Variants in BAMBI observed in about 807,000 individuals in gnomAD.
BAMBI encodes BMP and activin membrane-bound inhibitor homolog.
A neutral mutation model predicts 24.1 loss-of-function variants in BAMBI; 21 were observed. The ratio of observed to expected loss-of-function variants is 0.87; its 90% CI spans 0.62 to 1.26. The LOEUF (loss-of-function observed/expected upper bound fraction) is 1.26, where lower values mean the gene tolerates loss of function less well. BAMBI is among the 50% of genes most tolerant of loss of function. The pLI is 0.00. For synonymous variants in BAMBI, 156 were observed against 123.1 expected (o/e 1.27, Z -1.77); for missense variants, 388 against 329.1 (o/e 1.18, Z -1.38).
In BAMBI at chr10:28,677,553, C is replaced by T. The variant is rs189067155; in HGVS notation, c.-345C>T. 8.3e-5 allele frequency: 14 copies of T among 169,666 alleles called. No individual in the cohort carries two copies. Among genetic ancestry groups the T allele is most frequent in the East Asian group, 4.9e-4 (3 of 6,164 alleles). The allele number at this position is 169,666 out of a possible 1,614,324, so 10.5% of individuals were successfully genotyped here. ...CGCGGGCGGGAGCTGCGGCGGATACCCTTGCGTGCTGTGGAGACCCTACTC... is the reference window on the plus strand; with the variant it reads ...CGCGGGCGGGAGCTGCGGCGGATACTCTTGCGTGCTGTGGAGACCCTACTC... On this transcript the variant is annotated 5_prime_UTR_variant, in exon 1 of 3. Transcript: ENST00000375533.
intron 1 of BAMBI, among the ~76,000 whole-genome samples, chr10:28,679,422 C>T (rs1388159093): frequency 6.6e-6 from 1 of 152,108 alleles, no homozygotes; most frequent in Non-Finnish European, 1.5e-5. Context: ...ATACCAGTCC[C>T]CTTTCTGGCC....
At chr10:28,679,894 A>G (rs1416365791) in intron 1 of BAMBI, among the ~76,000 whole-genome samples, 1 of 152,202 alleles carries the variant, frequency 6.6e-6, no homozygotes, top group East Asian at 1.9e-4. Flanking sequence ...GGGCCCAACC[A>G]GTGCAGATTT....
At position 28,677,637 on chromosome 10, in the gene BAMBI, G is replaced by C; in HGVS notation, c.-261G>C. The C allele has an allele frequency of 4.1e-6, 1 of 241,020 alleles. No homozygotes were observed. Among genetic ancestry groups the C allele is most frequent in the Non-Finnish European group, 7.9e-6 (1 of 126,640 alleles). The allele number at this position is 241,020 out of a possible 1,614,324, so 14.9% of individuals were successfully genotyped here. On this transcript the variant is annotated 5_prime_UTR_variant, in exon 1 of 3. Coordinates refer to ENST00000375533, the MANE Select transcript of BAMBI (RefSeq NM_012342.3). ...AGGCCGGGAGCCCACTCCCGACCCG[G>C]GGCTAGCGTGCGTCCCTAGAGTCGA...
At chr10:28,678,035 C>T (rs1198888070) in intron 1 of BAMBI, 62 bp downstream of exon 1, 110 of 1,416,090 alleles carry the variant, frequency 7.8e-5, no homozygotes, top group Non-Finnish European at 9.8e-5. Context: ...TTGGAGCCGG[C>T]TGCAGAGGCT....
rs1239094336 is a variant in BAMBI, at chr10:28,682,366, A to G, written c.748A>G (p.Met250Val). 1.9e-6 allele frequency: 3 copies of G among 1,613,326 alleles called. No homozygotes were observed. Among genetic ancestry groups the G allele is most frequent in the African/African-American group, 1.3e-5 (1 of 74,996 alleles). The change falls in exon 3 of 3, where the codon ATG (methionine) becomes GTG (valine). Residue 250 changes from methionine to valine, a missense_variant. Met to Val is a conservative substitution (Grantham distance 21). Transcript: ENST00000375533. ...GATCCTCTCGCTTGTTCACTGGGGC[A>G]TGTACAGTGGGCACGGGAAGCTGGA... ...DKILSLVHWG[M>V]YSGHGKLEFV
intron 2 of BAMBI, 185 bp downstream of exon 2, chr10:28,681,730 T>C: frequency 1.3e-6 from 1 of 767,430 alleles, no homozygotes; most frequent in Non-Finnish European, 2.0e-6. Context: ...TAGATGTCTG[T>C]CTACATAATA....
intron 1 of BAMBI, among the ~76,000 whole-genome samples, chr10:28,680,924 T>C (rs1445695185): frequency 6.6e-6 from 1 of 152,248 alleles, no homozygotes; most frequent in Non-Finnish European, 1.5e-5. Context: ...TATGGTCATG[T>C]AGGATTAAAA....
intron 1 of BAMBI, among the ~76,000 whole-genome samples, chr10:28,680,022 C>A (rs1423405880): frequency 1.3e-5 from 2 of 152,114 alleles, no homozygotes; most frequent in East Asian, 3.8e-4. Flanking sequence ...GCATACAATA[C>A]CGTGGTCTGG....
Position 28,677,938 on chromosome 10 carries a change from T to C in BAMBI, c.41T>C (p.Leu14Pro). 1 of 1,535,362 alleles carries C rather than the reference T, an allele frequency of 6.5e-7. No individual in the cohort carries two copies. Among genetic ancestry groups the C allele is most frequent in the South Asian group, 1.2e-5 (1 of 83,266 alleles). Residue 14 changes from leucine to proline, a missense_variant, in exon 1 of 3, where the codon CTG becomes CCG. By Grantham distance (98) the Leu-to-Pro change is moderately conservative. Transcript: ENST00000375533. The stretch of plus-strand genomic sequence containing the variant: ...AGCTACATCTTCATCTGGCTGCAGC[T>C]GGAGCTCTGCGCCATGGCCGTGCTG... ...HSSYIFIWLQ[L>P]ELCAMAVLLT...
Position 28,681,498 on chromosome 10 carries a change from A to G in BAMBI, c.317A>G (p.Tyr106Cys). The G allele has an allele frequency of 6.2e-7, 1 of 1,614,188 alleles. No individual in the cohort carries two copies. Among genetic ancestry groups the G allele is most frequent in the Non-Finnish European group, 8.5e-7 (1 of 1,180,032 alleles). Reference protein sequence around the residue: ...LECCHEDMCNYRGLHDVLSPP... With the variant: ...LECCHEDMCNCRGLHDVLSPP... The stretch of plus-strand genomic sequence containing the variant: ...TGCTGTCATGAAGACATGTGCAATT[A>G]CAGAGGGCTGCACGATGTTCTCTCT... Residue 106 changes from tyrosine to cysteine, a missense_variant, in exon 2 of 3, where the codon TAC (tyrosine) becomes TGC (cysteine). Tyr to Cys is a radical substitution (Grantham distance 194). Coordinates refer to ENST00000375533, the MANE Select transcript of BAMBI (RefSeq NM_012342.3).
In BAMBI at chr10:28,682,196, GT is replaced by G; in HGVS notation, c.581del (p.Leu194CysfsTer18). On this transcript the variant is annotated frameshift_variant, in exon 3 of 3. Coordinates refer to ENST00000375533, the MANE Select transcript of BAMBI (RefSeq NM_012342.3). LOFTEE classifies it high-confidence loss of function. ...LQDQRQQMLS[R>X]LHYSFHGHHS... ...GATCAGCGGCAACAGATGCTCTCCC[GT>G]TTGCACTACAGCTTTCACGGACACC... 1 of 1,614,168 alleles carries G rather than the reference GT, an allele frequency of 6.2e-7. No individual in the cohort carries two copies. The highest frequency in any genetic ancestry group is 8.5e-7 in the Non-Finnish European group (1 of 1,180,028).
rs190712238 is a variant in BAMBI, at chr10:28,678,839, G to C, written c.76+866G>C. 6.0e-3 allele frequency among the ~76,000 whole-genome samples: 897 copies of C among 148,704 alleles called. 11 individuals are homozygous for C. Among genetic ancestry groups the C allele is most frequent in the African/African-American group, 0.021 (854 of 40,480 alleles). On this transcript the variant is annotated intron_variant, in intron 1 of 2. Transcript: ENST00000375533. ...CAGGACCAAAAAAAAAAAAAAGGCA[G>C]CGGGTCAGTTTCTTCTTTCCTCTGC...
chr10:28,681,881 G>C, intron 2 of BAMBI, 102 bp from the exon 3 acceptor site: 1 of 1,183,732 alleles, frequency 8.4e-7, no homozygotes, highest in Non-Finnish European at 1.2e-6. Context: ...TTAATTGTAA[G>C]CTTCTTTTTA....
chr10:28,681,660 G>A, intron 2 of BAMBI, 115 bp downstream of exon 2: 2 of 1,165,174 alleles, frequency 1.7e-6, no homozygotes, highest in Non-Finnish European at 2.4e-6. Flanking sequence ...GACACCAGAG[G>A]GAGAAGCCTG....
intron 1 of BAMBI, among the ~76,000 whole-genome samples, chr10:28,678,467 G>A (rs890335630): frequency 3.9e-5 from 6 of 152,206 alleles, no homozygotes; most frequent in Non-Finnish European, 7.3e-5. Context: ...GTATCACTCA[G>A]CGTATCTCTG....
intron 1 of BAMBI, among the ~76,000 whole-genome samples, chr10:28,678,174 C>T (rs1834457756): frequency 6.6e-6 from 1 of 152,214 alleles, no homozygotes; most frequent in Admixed American, 6.5e-5. Context: ...AGGCGCTGAT[C>T]AGAGGGTCCT....
rs779610447 is a variant in BAMBI, at chr10:28,682,232, A to C, written c.614A>C (p.Lys205Thr). Residue 205 changes from lysine to threonine, a missense_variant, in exon 3 of 3, where the codon AAG becomes ACG. Physicochemically the swap from Lys to Thr is moderately conservative, Grantham distance 78. Coordinates refer to ENST00000375533, the MANE Select transcript of BAMBI (RefSeq NM_012342.3). Reference protein sequence around the residue: ...HYSFHGHHSKKGQVAKLDLEC... With the variant: ...HYSFHGHHSKTGQVAKLDLEC... Reference sequence around the variant, plus strand: ...AGCTTTCACGGACACCATTCCAAAAAGGGGCAGGTTGCAAAGTTAGACTTG... The same window carrying C: ...AGCTTTCACGGACACCATTCCAAAACGGGGCAGGTTGCAAAGTTAGACTTG... 2 of 1,614,060 alleles carry C rather than the reference A, an allele frequency of 1.2e-6. No individual in the cohort carries two copies. The highest frequency in any genetic ancestry group is 2.7e-5 in the African/African-American group (2 of 74,928).
chr10:28,681,434 G>A lies in BAMBI; in HGVS notation c.253G>A (p.Ala85Thr), dbSNP rs186258269. The A allele has an allele frequency of 3.7e-6, 6 of 1,614,104 alleles. No homozygotes were observed. Among genetic ancestry groups the A allele is most frequent in the Non-Finnish European group, 1.7e-6 (2 of 1,180,016 alleles). Residue 85 changes from alanine to threonine, a missense_variant, in exon 2 of 3, where the codon GCC becomes ACC. Transcript: ENST00000375533. ...STTDICQAKQ[A>T]RNHSGTTIPT... ...GACAGACATCTGCCAAGCCAAACAGGCCCGAAACCACTCTGGCACCACCAT... is the reference window on the plus strand; with the variant it reads ...GACAGACATCTGCCAAGCCAAACAGACCCGAAACCACTCTGGCACCACCAT...
chr10:28,681,691 T>G, intron 2 of BAMBI, 146 bp downstream of exon 2: 1 of 897,956 alleles, frequency 1.1e-6, no homozygotes, highest in Non-Finnish European at 1.7e-6. Context: ...AAGATGCATC[T>G]TGATTGAGTG....
Sources: gnomAD v4.1 joint callset for allele counts (sites outside exome capture counted in the v4.1 genomes callset) on GRCh38, gnomAD v4.1.1 for gene constraint, MANE v1.5 for transcripts, NCBI Gene and HGNC (gene_info 2026-07-23, HGNC 2026-07-21) for gene names.